The following SLC8A2 variants were observed in gnomAD, a reference collection of about 807,000 sequenced individuals.
The protein encoded by SLC8A2 is sodium/calcium exchanger 2.
SLC8A2 carries 14 observed loss-of-function variants against 70.2 expected under a neutral mutation model. The ratio of observed to expected loss-of-function variants is 0.20; its 90% CI spans 0.13 to 0.31. The LOEUF is 0.31. SLC8A2 is among the 10% of genes least tolerant of loss of function. The pLI, the probability that SLC8A2 is intolerant of heterozygous loss-of-function variation, is 1.00. For synonymous variants in SLC8A2, 575 were observed against 594.3 expected, an observed-to-expected ratio of 0.97 and a Z score of 0.47; for missense variants, 779 against 1,320.1, an observed-to-expected ratio of 0.59 and a Z score of 6.35.
intron 2 of SLC8A2, among the ~76,000 whole-genome samples, chr19:47,463,934 A>C (rs1967427584): frequency 1.3e-5 from 2 of 152,172 alleles, no homozygotes; most frequent in South Asian, 4.1e-4. Flanking sequence ...GAAGATAAGG[A>C]ACCTGCCCTA....
In SLC8A2 at chr19:47,432,009, C is replaced by T; in HGVS notation, c.2389+158G>A. 6.4e-6 allele frequency: 4 copies of T among 621,840 alleles called. No homozygotes were observed. Among genetic ancestry groups the T allele is most frequent in the Non-Finnish European group, 5.3e-6 (2 of 379,930 alleles). The allele number at this position is 621,840 out of a possible 1,614,324, so 38.5% of individuals were successfully genotyped here. A position where few individuals can be genotyped will look rare whatever the true frequency, so the allele number is the denominator to read the frequency against. On this transcript the variant is annotated intron_variant, in intron 9 of 9. Coordinates refer to ENST00000236877, the MANE Select transcript of SLC8A2 (RefSeq NM_015063.3). This position sits in a 1 kb window ranked among gnomAD's most constrained non-coding sequence, Gnocchi z 6.2. Reference sequence around the variant, plus strand: ...AATTCACATCTTGCACCTAGGGGACCCGCTGCCTGGCTTCTATTATGCCCC... The same window carrying T: ...AATTCACATCTTGCACCTAGGGGACTCGCTGCCTGGCTTCTATTATGCCCC...
At chr19:47,449,809 C>T (rs533507166) in intron 3 of SLC8A2, among the ~76,000 whole-genome samples, 16 of 152,012 alleles carry the variant, frequency 1.1e-4, no homozygotes, top group Admixed American at 1.3e-4. Flanking sequence ...ACAGTGGGAA[C>T]GGGGGCAGAT....
In SLC8A2 at chr19:47,432,886, T is replaced by C. The variant is rs1966982965; in HGVS notation, c.2111-441A>G. Among the ~76,000 whole-genome samples the C allele has an allele frequency of 6.6e-6, 1 of 150,842 alleles. No individual in the cohort carries two copies. The highest frequency in any genetic ancestry group is 1.5e-5 in the Non-Finnish European group (1 of 67,816). Reference sequence around the variant, plus strand: ...TGTGAATGGGCCCAGGTGACAAATATTTATTTTCCCAGAATCCCTTGCACC... The same window carrying C: ...TGTGAATGGGCCCAGGTGACAAATACTTATTTTCCCAGAATCCCTTGCACC... On this transcript the variant is annotated intron_variant, in intron 8 of 9. Coordinates refer to ENST00000236877, the MANE Select transcript of SLC8A2 (RefSeq NM_015063.3). This position sits in a 1 kb window ranked among gnomAD's most constrained non-coding sequence, Gnocchi z 6.2.
At chr19:47,463,721 AAC>A in intron 2 of SLC8A2, among the ~76,000 whole-genome samples, 1 of 152,056 alleles carries the variant, frequency 6.6e-6, no homozygotes, top group African/African-American at 2.4e-5. Flanking sequence ...TTTTCTTTAT[AAC>A]ACAGTTTGGA....
chr19:47,452,363 TG>T (rs1258744436), intron 3 of SLC8A2, among the ~76,000 whole-genome samples: 1 of 142,846 alleles, frequency 7.0e-6, no homozygotes, highest in African/African-American at 2.7e-5. Flanking sequence ...TACAGGCACA[TG>T]TTACCATGCC....
At chr19:47,441,586 G>C in intron 4 of SLC8A2, 146 bp from the exon 5 acceptor site, 1 of 600,864 alleles carries the variant, frequency 1.7e-6, no homozygotes, top group Non-Finnish European at 3.0e-6. Context: ...TCACCACCAC[G>C]CAGGGAGGAA....
In SLC8A2 at chr19:47,432,653, GA is replaced by G. The variant is rs775912369; in HGVS notation, c.2111-209del. 2.5e-5 allele frequency: 12 copies of G among 487,520 alleles called. No individual in the cohort carries two copies. The highest frequency in any genetic ancestry group is 4.3e-5 in the Non-Finnish European group (12 of 280,452). 30.2% of individuals were successfully genotyped at this position (487,520 alleles called of 1,614,324 possible). A position where few individuals can be genotyped will look rare whatever the true frequency, so the allele number is the denominator to read the frequency against. ...GCTAGGAGCTTGATTGGGCCCAGGT[GA>G]AAAATATTTACTTTCCCAGAATCCT... On this transcript the variant is annotated intron_variant, in intron 8 of 9. Coordinates refer to ENST00000236877, the MANE Select transcript of SLC8A2 (RefSeq NM_015063.3). The surrounding 1 kb of genome is among the most constrained non-coding windows in gnomAD (Gnocchi z 6.2).
At chr19:47,463,480 C>T (rs1200473134) in intron 2 of SLC8A2, among the ~76,000 whole-genome samples, 4 of 148,496 alleles carry the variant, frequency 2.7e-5, no homozygotes, top group Non-Finnish European at 4.5e-5. Context: ...GCCTGTAATC[C>T]CAGCACTTTG....
intron 2 of SLC8A2, among the ~76,000 whole-genome samples, chr19:47,462,080 C>T (rs1967402122): frequency 1.3e-5 from 2 of 152,162 alleles, no homozygotes; most frequent in South Asian, 2.1e-4. Context: ...CATGCCGGCT[C>T]ATTTCAGAAC....
At chr19:47,433,212 A>C (rs890275773) in intron 8 of SLC8A2, among the ~76,000 whole-genome samples, 3 of 152,174 alleles carry the variant, frequency 2.0e-5, no homozygotes, top group African/African-American at 7.2e-5. Flanking sequence ...GCCAGTCCAC[A>C]GCTAGAAGTA....
At chr19:47,446,430 GTTTT>G (rs542205782) in intron 4 of SLC8A2, among the ~76,000 whole-genome samples, 5 of 152,054 alleles carry the variant, frequency 3.3e-5, no homozygotes, top group African/African-American at 9.6e-5. Context: ...GTGTCTGCGT[GTTTT>G]TTTTCTTTTT....
At chr19:47,452,564 A>T (rs928932315) in intron 3 of SLC8A2, among the ~76,000 whole-genome samples, 2 of 151,100 alleles carry the variant, frequency 1.3e-5, no homozygotes, top group Admixed American at 6.6e-5. Context: ...CCTGGGTTCA[A>T]GCAATTCTCC....
In SLC8A2 at chr19:47,437,926, T is replaced by C. The variant is rs777705680; in HGVS notation, c.1933A>G (p.Ile645Val). ...LTAEEEEARRIAEMGKPVLGE... is the reference protein window; with the variant it reads ...LTAEEEEARRVAEMGKPVLGE... Reference sequence around the variant, plus strand: ...AGAACTGGCTTGCCCATCTCTGCTATCCTCCGAGCCTCCTCCTCCTCGGCT... The same window carrying C: ...AGAACTGGCTTGCCCATCTCTGCTACCCTCCGAGCCTCCTCCTCCTCGGCT... The change falls in exon 7 of 10, where the codon ATA becomes GTA. Residue 645 changes from isoleucine to valine, a missense_variant. Ile to Val is a conservative substitution (Grantham distance 29). Around this residue, in one of 6 missense-constraint regions of SLC8A2, gnomAD observed 247 missense variants for 362.8 expected, o/e 0.68. Transcript: ENST00000236877. The C allele has an allele frequency of 6.2e-7, 1 of 1,614,098 alleles. No homozygotes were observed. Among genetic ancestry groups the C allele is most frequent in the Non-Finnish European group, 8.5e-7 (1 of 1,180,006 alleles).
At chr19:47,439,374 C>CA (rs556540211) in intron 6 of SLC8A2, among the ~76,000 whole-genome samples, 482 of 151,644 alleles carry the variant, frequency 3.2e-3, no homozygotes, top group Admixed American at 5.1e-3. Context: ...CTAAAAAATA[C>CA]AAAAAAAATT....
intron 2 of SLC8A2, among the ~76,000 whole-genome samples, chr19:47,459,615 ATGTG>A (rs766525135): frequency 4.0e-4 from 59 of 148,694 alleles, no homozygotes; most frequent in Admixed American, 6.0e-4. Flanking sequence ...TTGTGTGTGC[ATGTG>A]TGTATGTGTA....
In SLC8A2 at chr19:47,448,671, T is replaced by C. The variant is rs912945875; in HGVS notation, c.1341-440A>G. 2.6e-5 allele frequency among the ~76,000 whole-genome samples: 4 copies of C among 152,162 alleles called. No individual in the cohort carries two copies. The highest frequency in any genetic ancestry group is 9.7e-5 in the African/African-American group (4 of 41,426). On this transcript the variant is annotated intron_variant, in intron 3 of 9. Coordinates refer to ENST00000236877, the MANE Select transcript of SLC8A2 (RefSeq NM_015063.3). The surrounding 1 kb of genome is among the most constrained non-coding windows in gnomAD (Gnocchi z 4.8). The stretch of plus-strand genomic sequence containing the variant: ...ATGCATATGAATCCCCTGGTGGAGC[T>C]TGTGAAAATGCAGATTCTGGTTTAG...
At chr19:47,452,194 A>G (rs1455630781) in intron 3 of SLC8A2, among the ~76,000 whole-genome samples, 1 of 152,044 alleles carries the variant, frequency 6.6e-6, no homozygotes, top group African/African-American at 2.4e-5. Context: ...TCGTGGTCAC[A>G]GAGTGTCACA....
intron 8 of SLC8A2, among the ~76,000 whole-genome samples, chr19:47,434,724 T>C (rs1490020325): frequency 6.6e-6 from 1 of 152,018 alleles, no homozygotes; most frequent in African/African-American, 2.4e-5. Context: ...ACCCGACTCA[T>C]CTCCTAAGGG....
At chr19:47,455,444 G>T (rs1320130222) in intron 3 of SLC8A2, among the ~76,000 whole-genome samples, 1 of 152,156 alleles carries the variant, frequency 6.6e-6, no homozygotes, top group Non-Finnish European at 1.5e-5. Context: ...CTAACTGCCT[G>T]TCTTTCCCAG....
Sources: allele counts gnomAD v4.1 joint callset (sites outside exome capture counted in the v4.1 genomes callset), GRCh38; gene constraint gnomAD v4.1.1; regional missense constraint gnomAD v4.1.1; non-coding constraint Gnocchi (gnomAD v3.1); transcripts MANE v1.5; gene names NCBI Gene and HGNC (gene_info 2026-07-23, HGNC 2026-07-21).